The following ADAM10 variants were observed in gnomAD, a reference collection of about 807,000 sequenced individuals.
The protein encoded by ADAM10 is ADAM metallopeptidase domain 10.
ADAM10 carries 17 observed loss-of-function variants against 90.1 expected under a neutral mutation model. That is an observed-to-expected ratio of 0.19 (90% CI 0.13 to 0.28). ADAM10 has a LOEUF of 0.28. Among genes scored for constraint, ADAM10 ranks in the 10% least tolerant of loss-of-function variants. The pLI is 1.00. For synonymous variants in ADAM10, 310 were observed against 298.6 expected (o/e 1.04, Z -0.40); for missense variants, 610 against 914.3 (o/e 0.67, Z 4.29).
intron 5 of ADAM10, among the ~76,000 whole-genome samples, chr15:58,664,202 TTATAAGGCTAGATTAGC>T (rs1897028494): frequency 6.6e-6 from 1 of 152,062 alleles, no homozygotes; most frequent in Non-Finnish European, 1.5e-5. Context: ...CTTCAAATAC[TTATAAGGCTAGATTAGC>T]TATTCCTCTT....
At chr15:58,681,673 T>C (rs1254293319) in intron 3 of ADAM10, among the ~76,000 whole-genome samples, 1 of 152,244 alleles carries the variant, frequency 6.6e-6, no homozygotes, top group Non-Finnish European at 1.5e-5. Context: ...GGGTTAAGTG[T>C]GCCACTGATG....
At chr15:58,618,577 G>C (rs370819576) in intron 11 of ADAM10, among the ~76,000 whole-genome samples, 1 of 152,102 alleles carries the variant, frequency 6.6e-6, no homozygotes, top group Admixed American at 6.5e-5. Context: ...GTGAAGAGAC[G>C]ATCTGCTGAA....
chr15:58,627,995 C>A, intron 9 of ADAM10, 112 bp from the exon 10 acceptor site: 1 of 1,058,890 alleles, frequency 9.4e-7, no homozygotes, highest in Non-Finnish European at 1.4e-6. Flanking sequence ...GTGGACTCTC[C>A]TTTAAAAAGG....
At chr15:58,622,042 T>G (rs1056778624) in intron 10 of ADAM10, among the ~76,000 whole-genome samples, 1 of 152,136 alleles carries the variant, frequency 6.6e-6, no homozygotes, top group African/African-American at 2.4e-5. Flanking sequence ...TAAAAGAATA[T>G]GTACAATGAA....
At chr15:58,600,329 G>C (rs7165259) in intron 14 of ADAM10, among the ~76,000 whole-genome samples, 35,957 of 152,038 alleles carry the variant, frequency 0.24, 4,553 homozygotes, top group East Asian at 0.54. Flanking sequence ...CTAGTGAATA[G>C]ATTTAAAAAT....
intron 8 of ADAM10, among the ~76,000 whole-genome samples, chr15:58,640,192 G>C (rs994342159): frequency 3.9e-4 from 60 of 152,342 alleles, no homozygotes; most frequent in African/African-American, 1.4e-3. Context: ...ACTCGGCAGA[G>C]TATGAACCCA....
rs1387744853 is a variant in ADAM10 at position 58,667,285 on chromosome 15, G to A, written c.485-2088C>T. Reference sequence around the variant, plus strand: ...CAAATATAAATAGTACATATATTGTGACTCTAACTCAAGCAGGAAATAGCT... The same window carrying A: ...CAAATATAAATAGTACATATATTGTAACTCTAACTCAAGCAGGAAATAGCT... On this transcript the variant is annotated intron_variant, in intron 4 of 15. Transcript: ENST00000260408. 8.5e-5 allele frequency among the ~76,000 whole-genome samples: 13 copies of A among 152,164 alleles called. 1 individual carries two copies. Among genetic ancestry groups the A allele is most frequent in the African/African-American group, 3.1e-4 (13 of 41,524 alleles).
chr15:58,721,523 G>A (rs1360458944), intron 1 of ADAM10, among the ~76,000 whole-genome samples: 1 of 152,154 alleles, frequency 6.6e-6, no homozygotes, highest in African/African-American at 2.4e-5. Flanking sequence ...AGGGGGCCAT[G>A]GGTAGAGGAT....
intron 2 of ADAM10, among the ~76,000 whole-genome samples, chr15:58,702,452 G>A (rs1308418107): frequency 6.6e-6 from 1 of 152,190 alleles, no homozygotes; most frequent in Non-Finnish European, 1.5e-5. Context: ...TTTAAAAAAA[G>A]AGGACTTGAA....
At chr15:58,639,264 T>C (rs1472218135) in intron 8 of ADAM10, among the ~76,000 whole-genome samples, 3 of 152,196 alleles carry the variant, frequency 2.0e-5, no homozygotes, top group Admixed American at 6.5e-5. Flanking sequence ...GAGACCGGGG[T>C]AGTGCCTATG....
chr15:58,725,615 A>C (rs181506139), intron 1 of ADAM10, among the ~76,000 whole-genome samples: 4,126 of 151,940 alleles, frequency 0.027, 80 homozygotes, highest in Non-Finnish European at 0.043. Context: ...ATGACTAAAA[A>C]CTAGGGAGAA....
intron 2 of ADAM10, among the ~76,000 whole-genome samples, chr15:58,690,461 T>A (rs1897746770): frequency 6.6e-6 from 1 of 152,186 alleles, no homozygotes; most frequent in Non-Finnish European, 1.5e-5. Flanking sequence ...TTTTGTGTTG[T>A]TTTACTGTAT....
rs766149223 is a variant in ADAM10 at position 58,593,149 on chromosome 15, A to ATTT, written c.*4395_*4397dup. 9 of 68,464 alleles carry ATTT rather than the reference A, an allele frequency of 1.3e-4. No individual in the cohort carries two copies. Among genetic ancestry groups the ATTT allele is most frequent in the African/African-American group, 1.1e-4 (2 of 17,966 alleles). The allele number at this position is 68,464 out of a possible 1,614,324, so 4.2% of individuals were successfully genotyped here. On this transcript the variant is annotated 3_prime_UTR_variant, in exon 16 of 16. Transcript: ENST00000260408. Reference sequence around the variant, plus strand: ...AAAGTAACAAAGGCCAGGTACTCAAATTTTTTTTTTTTTTTTTTTTTTTTT... The same window carrying ATTT: ...AAAGTAACAAAGGCCAGGTACTCAAATTTTTTTTTTTTTTTTTTTTTTTTTTTT...
intron 1 of ADAM10, chr15:58,747,395 T>A (rs1010218639): frequency 9.2e-5 from 14 of 152,176 alleles, no homozygotes; most frequent in Non-Finnish European, 1.6e-4. Context: ...TGAAAATGAT[T>A]TACATTTTAA....
At chr15:58,635,995 G>A (rs1387411314) in intron 8 of ADAM10, among the ~76,000 whole-genome samples, 2 of 152,100 alleles carry the variant, frequency 1.3e-5, no homozygotes, top group South Asian at 4.1e-4. Flanking sequence ...AGTTTAAAAT[G>A]GCCGGGCGCA....
chr15:58,626,828 ATGG>A lies in ADAM10; in HGVS notation c.1360+869_1360+871del, dbSNP rs1211805056. On this transcript the variant is annotated intron_variant, in intron 10 of 15. Transcript: ENST00000260408. ...GGGGAAGACAGAGCATTACTGCTTA[ATGG>A]TTATAGAATTTCCATTGGGATGATG... Among the ~76,000 whole-genome samples, 10 of 152,276 alleles carry A rather than the reference ATGG, an allele frequency of 6.6e-5. No individual in the cohort carries two copies. The South Asian group carries it at 1.7e-3, about 25-fold the overall frequency.
At chr15:58,646,882 A>T (rs1439200636) in intron 5 of ADAM10, among the ~76,000 whole-genome samples, 1 of 152,182 alleles carries the variant, frequency 6.6e-6, no homozygotes, top group Non-Finnish European at 1.5e-5. Context: ...GAGACCCTAC[A>T]TTAGCCAACT....
chr15:58,682,706 T>C (rs1426116063), intron 2 of ADAM10, among the ~76,000 whole-genome samples: 2 of 152,168 alleles, frequency 1.3e-5, no homozygotes, highest in Non-Finnish European at 2.9e-5. Context: ...TATTCTCCCT[T>C]ACTTTCTACA....
chr15:58,721,839 C>T (rs1230977267), intron 1 of ADAM10, among the ~76,000 whole-genome samples: 11 of 152,038 alleles, frequency 7.2e-5, no homozygotes, highest in Admixed American at 7.2e-4. Context: ...ACTAGCCTGG[C>T]CAACATGGTG....
Sources: gnomAD v4.1 joint callset for allele counts (sites outside exome capture counted in the v4.1 genomes callset) on GRCh38, gnomAD v4.1.1 for gene constraint, MANE v1.5 for transcripts, NCBI Gene and HGNC (gene_info 2026-07-23, HGNC 2026-07-21) for gene names.